The following ATP9B variants were observed in gnomAD, a reference collection of about 807,000 sequenced individuals.
ATP9B encodes the protein ATPase phospholipid transporting 9B, also known as probable phospholipid-transporting ATPase IIB.
In ATP9B, 110 loss-of-function variants were observed where a neutral mutation model predicts 146.1. The ratio of observed to expected loss-of-function variants is 0.75; its 90% CI spans 0.65 to 0.88. The LOEUF is 0.88. Ranked by LOEUF, ATP9B falls within the 40% of genes least tolerant of loss-of-function variation. The probability of loss-of-function intolerance (pLI) is 0.00; values close to 1 mark genes in which losing one functional copy is unlikely to be tolerated. For synonymous variants in ATP9B, 604 were observed against 569.7 expected (o/e 1.06, Z -0.86); for missense variants, 1,499 against 1,496.4 (o/e 1.00, Z -0.03).
At chr18:79,171,143 A>G (rs759842225) in intron 7 of ATP9B, among the ~76,000 whole-genome samples, 2 of 152,204 alleles carry the variant, frequency 1.3e-5, no homozygotes, top group Non-Finnish European at 1.5e-5. Flanking sequence ...TTGAAAGTAT[A>G]TTTGAAATAT....
At chr18:79,181,360 G>C (rs2095250467) in intron 8 of ATP9B, among the ~76,000 whole-genome samples, 1 of 152,104 alleles carries the variant, frequency 6.6e-6, no homozygotes, top group South Asian at 2.1e-4. Context: ...TGGGCTTCTT[G>C]TATCTGGAGT....
intron 1 of ATP9B, chr18:79,085,842 T>A (rs2073771277): frequency 6.6e-6 from 1 of 152,198 alleles, no homozygotes; most frequent in Admixed American, 6.5e-5. Context: ...TACTGTCTGA[T>A]TATTGGGAAA....
intron 15 of ATP9B, among the ~76,000 whole-genome samples, chr18:79,326,549 TG>T (rs2096748038): frequency 6.8e-6 from 1 of 146,322 alleles, no homozygotes; most frequent in Middle Eastern, 3.9e-3. Context: ...ACTCTCTCCC[TG>T]CACATGGTGT....
intron 12 of ATP9B, among the ~76,000 whole-genome samples, chr18:79,256,284 T>C (rs73973039): frequency 0.013 from 1,638 of 122,664 alleles, 90 homozygotes; most frequent in African/African-American, 0.038. Context: ...TATATATATA[T>C]ATACATACAT....
chr18:79,124,027 G>T (rs1362205077), intron 4 of ATP9B, among the ~76,000 whole-genome samples: 1 of 152,232 alleles, frequency 6.6e-6, no homozygotes, highest in Admixed American at 6.5e-5. Context: ...TGGTGAGGAT[G>T]TGGAGACATT....
At chr18:79,215,667 A>G (rs1600550183) in intron 11 of ATP9B, among the ~76,000 whole-genome samples, 1 of 152,126 alleles carries the variant, frequency 6.6e-6, no homozygotes. Flanking sequence ...GTGCTATGTT[A>G]TTTTTTTCAT....
chr18:79,222,583 C>G (rs2095690578), intron 11 of ATP9B, among the ~76,000 whole-genome samples: 1 of 152,064 alleles, frequency 6.6e-6, no homozygotes, highest in African/African-American at 2.4e-5. Context: ...CATGTTTTAT[C>G]CAGACATGAA....
chr18:79,320,638 C>T (rs1397421825), intron 15 of ATP9B, among the ~76,000 whole-genome samples: 1 of 152,192 alleles, frequency 6.6e-6, no homozygotes, highest in Non-Finnish European at 1.5e-5. Context: ...GTTGAAATGA[C>T]AGGTTGTCTT....
intron 8 of ATP9B, among the ~76,000 whole-genome samples, chr18:79,192,892 A>G (rs569129657): frequency 3.9e-5 from 6 of 152,102 alleles, no homozygotes; most frequent in East Asian, 3.9e-4. Context: ...AACAGGCTCC[A>G]CCTCTACCAT....
chr18:79,357,451 C>G (rs1246570339), intron 25 of ATP9B, among the ~76,000 whole-genome samples: 1 of 21,274 alleles, frequency 4.7e-5, no homozygotes. Context: ...TGCTCTGGGT[C>G]TGGAGGTGTC....
intron 4 of ATP9B, among the ~76,000 whole-genome samples, chr18:79,124,508 T>C (rs2094247896): frequency 6.6e-6 from 1 of 152,210 alleles, no homozygotes; most frequent in Non-Finnish European, 1.5e-5. Flanking sequence ...ACATCACAAA[T>C]TGTTCATGGC....
rs56169466 is a variant in ATP9B, at chr18:79,181,568, A to G, written c.873+4661A>G. ...TCAAGTGGTTAGATTCCCACATGCC[A>G]TTGATGCTCTCTTACTCTTCTTTTT... On this transcript the variant is annotated intron_variant, in intron 8 of 29. Coordinates refer to ENST00000426216, the MANE Select transcript of ATP9B (RefSeq NM_198531.5). 4.6e-3 allele frequency among the ~76,000 whole-genome samples: 697 copies of G among 152,304 alleles called. 1 individual carries two copies. The highest frequency in any genetic ancestry group is 8.2e-3 in the Non-Finnish European group (557 of 68,004).
At chr18:79,176,700 G>T (rs1379840888) in intron 7 of ATP9B, 113 bp from the exon 8 acceptor site, 6 of 787,560 alleles carry the variant, frequency 7.6e-6, no homozygotes, top group Non-Finnish European at 1.0e-5. Context: ...TATCTAGATT[G>T]TTATTTCTTT....
intron 5 of ATP9B, among the ~76,000 whole-genome samples, chr18:79,143,300 A>G (rs1276828612): frequency 6.6e-6 from 1 of 152,240 alleles, no homozygotes; most frequent in African/African-American, 2.4e-5. Context: ...ACTTTTAGTA[A>G]TAAAGTTTTA....
chr18:79,079,636 A>G (rs1457746625), intron 1 of ATP9B, among the ~76,000 whole-genome samples: 1 of 152,132 alleles, frequency 6.6e-6, no homozygotes, highest in Non-Finnish European at 1.5e-5. Context: ...GCTGAGCAGA[A>G]GCTCTTTAGT....
chr18:79,078,166 A>G (rs1302939355), intron 1 of ATP9B: 2 of 152,228 alleles, frequency 1.3e-5, no homozygotes, highest in Non-Finnish European at 2.9e-5. Flanking sequence ...AGGTGAGGCT[A>G]TTTGCTTTTT....
chr18:79,128,052 C>CT (rs1173565651), intron 5 of ATP9B, among the ~76,000 whole-genome samples: 7,086 of 71,800 alleles, frequency 0.099, 958 homozygotes, highest in African/African-American at 0.16. Context: ...CCTTTGCCGA[C>CT]TTTTTTTTTT....
chr18:79,373,760 A>C, intron 27 of ATP9B, 138 bp from the exon 28 acceptor site: 1 of 849,420 alleles, frequency 1.2e-6, no homozygotes, highest in Non-Finnish European at 1.8e-6. Context: ...AAGTGCTGGG[A>C]AGACAGACAT....
At chr18:79,327,599 TCCGTGGTTAGCGTGCC>T (rs2096759760) in intron 15 of ATP9B, among the ~76,000 whole-genome samples, 1 of 140,926 alleles carries the variant, frequency 7.1e-6, no homozygotes, top group African/African-American at 2.7e-5. Flanking sequence ...TAACGTGCCC[TCCGTGGTTAGCGTGCC>T]CTCCCTGGTT....
Sources: gnomAD v4.1 joint callset for allele counts (sites outside exome capture counted in the v4.1 genomes callset) on GRCh38, gnomAD v4.1.1 for gene constraint, MANE v1.5 for transcripts, NCBI Gene and HGNC (gene_info 2026-07-23, HGNC 2026-07-21) for gene names.